The following GNA12 variants were observed in gnomAD, a reference collection of about 807,000 sequenced individuals.
GNA12 encodes the protein guanine nucleotide-binding protein subunit alpha-12.
Under a neutral mutation model 26.0 loss-of-function variants are expected in GNA12, and 9 were observed. The ratio of observed to expected loss-of-function variants is 0.35; its 90% CI spans 0.21 to 0.60. GNA12 has a LOEUF of 0.60. Ranked by LOEUF, GNA12 falls within the 20% of genes least tolerant of loss-of-function variation. The pLI, the probability that GNA12 is intolerant of heterozygous loss-of-function variation, is 0.78. For synonymous variants in GNA12, 264 were observed against 219.6 expected (o/e 1.20, Z -1.79); for missense variants, 405 against 525.8 (o/e 0.77, Z 2.25).
chr7:2,821,585 T>C (rs1267232381), intron 1 of GNA12, among the ~76,000 whole-genome samples: 2 of 152,184 alleles, frequency 1.3e-5, no homozygotes, highest in Admixed American at 6.5e-5. Context: ...GCAAAACAAT[T>C]CACCCCAAAC....
At chr7:2,778,553 A>G (rs189014151) in intron 2 of GNA12, among the ~76,000 whole-genome samples, 20 of 152,346 alleles carry the variant, frequency 1.3e-4, no homozygotes, top group Non-Finnish European at 2.1e-4. Context: ...ACAGGCCCCT[A>G]CTTCAGGAGT....
chr7:2,814,798 C>T, intron 1 of GNA12: 2 of 1,375,162 alleles, frequency 1.5e-6, no homozygotes, highest in Non-Finnish European at 2.0e-6. Flanking sequence ...CTGACCTGCC[C>T]CGCACTGCTC....
intron 1 of GNA12, among the ~76,000 whole-genome samples, chr7:2,810,925 A>AAAG (rs1562440504): frequency 1.5e-5 from 2 of 131,198 alleles, no homozygotes; most frequent in East Asian, 2.1e-4. Context: ...AAGAAAGAAA[A>AAAG]AAACAAAAAG....
chr7:2,801,704 A>AT (rs1345615771), intron 1 of GNA12, among the ~76,000 whole-genome samples: 4 of 152,134 alleles, frequency 2.6e-5, no homozygotes, highest in African/African-American at 9.7e-5. Context: ...GAAAAAAGGC[A>AT]TTAAAAAAAA....
intron 2 of GNA12, among the ~76,000 whole-genome samples, chr7:2,783,440 T>C (rs1255527461): frequency 4.6e-5 from 7 of 152,216 alleles, no homozygotes; most frequent in African/African-American, 1.7e-4. Context: ...TTTGTGCGTA[T>C]CCTTTCCATT....
chr7:2,806,457 CA>C (rs34036056), intron 1 of GNA12, among the ~76,000 whole-genome samples: 20,785 of 80,806 alleles, frequency 0.26, 641 homozygotes, highest in Non-Finnish European at 0.28. Flanking sequence ...GACTCTGTCT[CA>C]AAAAAAAAAA....
chr7:2,738,645 C>T (rs1001726256), intron 2 of GNA12, among the ~76,000 whole-genome samples: 5 of 151,970 alleles, frequency 3.3e-5, no homozygotes, highest in Admixed American at 6.6e-5. Context: ...GGGGATGGGA[C>T]AGAGACAGGA....
intron 1 of GNA12, among the ~76,000 whole-genome samples, chr7:2,798,419 G>A (rs936794896): frequency 6.6e-6 from 1 of 152,166 alleles, no homozygotes; most frequent in Admixed American, 6.5e-5. Context: ...AATGAAAGAT[G>A]TACTACTACT....
intron 2 of GNA12, among the ~76,000 whole-genome samples, chr7:2,747,542 T>C (rs947285895): frequency 7.9e-5 from 12 of 152,014 alleles, no homozygotes; most frequent in African/African-American, 2.9e-4. Flanking sequence ...GAGCTATCTA[T>C]GACAAACCCA....
At chr7:2,821,687 T>A (rs1793374137) in intron 1 of GNA12, among the ~76,000 whole-genome samples, 1 of 152,214 alleles carries the variant, frequency 6.6e-6, no homozygotes, top group Non-Finnish European at 1.5e-5. Flanking sequence ...AAGACAGTGA[T>A]GAACAATGCT....
intron 2 of GNA12, among the ~76,000 whole-genome samples, chr7:2,749,266 G>A (rs1278577058): frequency 6.6e-6 from 1 of 152,146 alleles, no homozygotes; most frequent in East Asian, 1.9e-4. Flanking sequence ...CAACCCAAAT[G>A]TCCAACAATG....
At chr7:2,798,707 A>G (rs1002180168) in intron 1 of GNA12, among the ~76,000 whole-genome samples, 31 of 152,242 alleles carry the variant, frequency 2.0e-4, no homozygotes, top group African/African-American at 7.0e-4. Flanking sequence ...GCAACTTTGA[A>G]AAAGAAAAGT....
intron 1 of GNA12, among the ~76,000 whole-genome samples, chr7:2,822,363 C>G (rs1430581585): frequency 6.6e-6 from 1 of 152,164 alleles, no homozygotes; most frequent in Admixed American, 6.5e-5. Context: ...AGTGGTAGTT[C>G]TGAGTTAGGT....
chr7:2,803,386 C>A (rs185505252), intron 1 of GNA12, among the ~76,000 whole-genome samples: 1 of 152,148 alleles, frequency 6.6e-6, no homozygotes, highest in East Asian at 1.9e-4. Context: ...CTGCAGGTCC[C>A]GTGGCAGGTG....
intron 1 of GNA12, 121 bp downstream of exon 1, chr7:2,843,732 G>A (rs1779077265): frequency 2.2e-6 from 1 of 462,076 alleles, no homozygotes; most frequent in East Asian, 3.7e-5. Flanking sequence ...AGGCGGGGCT[G>A]GATCCAGCAT....
chr7:2,795,180 A>G, intron 1 of GNA12, 37 bp from the exon 2 acceptor site: 1 of 1,522,228 alleles, frequency 6.6e-7, no homozygotes, highest in African/African-American at 1.4e-5. Flanking sequence ...ATTTAATTGC[A>G]TTCCAAAGAC....
chr7:2,815,253 C>A, intron 1 of GNA12: 1 of 271,008 alleles, frequency 3.7e-6, no homozygotes, highest in Non-Finnish European at 7.1e-6. Context: ...AAGGAGGCTG[C>A]TTAAATGAGG....
chr7:2,779,700 G>C (rs1792172569), intron 2 of GNA12, among the ~76,000 whole-genome samples: 2 of 152,068 alleles, frequency 1.3e-5, no homozygotes, highest in African/African-American at 4.8e-5. Context: ...CGGGGTTCAA[G>C]TGATTCTCAT....
chr7:2,766,322 T>C (rs558013743), intron 2 of GNA12, among the ~76,000 whole-genome samples: 5 of 152,236 alleles, frequency 3.3e-5, no homozygotes, highest in South Asian at 2.1e-4. Flanking sequence ...TAAAATTCCA[T>C]TGTGTGTATG....
Sources: gnomAD v4.1 joint callset for allele counts (sites outside exome capture counted in the v4.1 genomes callset) on GRCh38, gnomAD v4.1.1 for gene constraint, MANE v1.5 for transcripts, NCBI Gene and HGNC (gene_info 2026-07-23, HGNC 2026-07-21) for gene names.